The following C16orf96 variants were observed in gnomAD, a reference collection of about 807,000 sequenced individuals.
C16orf96 encodes the protein uncharacterized protein C16orf96.
Under a neutral mutation model 103.6 loss-of-function variants are expected in C16orf96, and 108 were observed. That is an observed-to-expected ratio of 1.04 (90% CI 0.89 to 1.22). The LOEUF (loss-of-function observed/expected upper bound fraction) is 1.22. C16orf96 is among the 50% of genes most tolerant of loss of function. C16orf96 has a pLI of 0.00. For missense variants in C16orf96, 1,586 were observed against 1,464.2 expected, an observed-to-expected ratio of 1.08 and a Z score of -1.36; for synonymous variants, 566 against 593.5, an observed-to-expected ratio of 0.95 and a Z score of 0.67.
chr16:4,575,347 C>A lies in C16orf96; in HGVS notation c.867C>A (p.Leu289=). ...GGCATTATGAGGTCCCAGAGCTCCT[C>A]CCGGAGGGCTCATCTGCCCAAGCAG... ...TVWHYEVPEL[L]PEGSSAQAVS... is the part of the protein sequence containing the mutation. Residue 289 remains leucine (L), a synonymous_variant, in exon 5 of 16, where the codon CTC becomes CTA. Coordinates refer to ENST00000444310, the MANE Select transcript of C16orf96 (RefSeq NM_001145011.2). 6.4e-7 allele frequency: 1 copy of A among 1,551,260 alleles called. No individual in the cohort carries two copies. The highest frequency in any genetic ancestry group is 8.7e-7 in the Non-Finnish European group (1 of 1,147,002).
intron 14 of C16orf96, among the ~76,000 whole-genome samples, 167 bp downstream of exon 14, chr16:4,594,970 T>A (rs952867231): frequency 3.3e-5 from 5 of 152,066 alleles, no homozygotes; most frequent in African/African-American, 1.2e-4. Flanking sequence ...GGAGACTCAG[T>A]CTTTGCAATG....
chr16:4,546,328 T>G, the C16orf96 span, among the ~76,000 whole-genome samples: 1 of 151,630 alleles, frequency 6.6e-6, no homozygotes, highest in Admixed American at 6.6e-5. Flanking sequence ...CCAGCTAATT[T>G]TTTGTGTTTT....
chr16:4,551,439 T>C (rs2059226921), upstream of C16orf96, among the ~76,000 whole-genome samples: 1 of 152,102 alleles, frequency 6.6e-6, no homozygotes, highest in Admixed American at 6.6e-5. Context: ...GTTTACTCCA[T>C]TTCGGGACTT....
chr16:4,578,238 G>C (rs2059537826), intron 5 of C16orf96, among the ~76,000 whole-genome samples: 1 of 152,098 alleles, frequency 6.6e-6, no homozygotes, highest in African/African-American at 2.4e-5. Context: ...CGCCTCCTGG[G>C]TTCGAGAGAT....
rs200240491 is a variant in C16orf96 at position 4,594,765 on chromosome 16, G to A, written c.3089G>A (p.Arg1030His). 5.3e-4 allele frequency: 818 copies of A among 1,550,968 alleles called. 5 individuals are homozygous for A. In the African/African-American group the frequency reaches 9.7e-3, roughly 18 times the overall value. ...ILYKGRVNSQ[R>H]GAQPLAVAKE... is the part of the protein sequence containing the mutation. ...TACAAAGGCCGCGTGAACAGCCAGC[G>A]TGGGGCTCAGCCCTTGGCCGTCGCA... Residue 1030 changes from arginine to histidine, a missense_variant, in exon 14 of 16, where the codon CGT (arginine) becomes CAT (histidine). Transcript: ENST00000444310.
In C16orf96 at chr16:4,569,515, G is replaced by T. The variant is rs372033796; in HGVS notation, c.421-2046G>T. ...TGCCTGTAATCCCAGCACTCTGGGA[G>T]GCCGAGGTGGGTGGATCACTTGAGG... On this transcript the variant is annotated intron_variant, in intron 1 of 15. Coordinates refer to ENST00000444310, the MANE Select transcript of C16orf96 (RefSeq NM_001145011.2). Among the ~76,000 whole-genome samples the T allele has an allele frequency of 1.6e-4, 24 of 152,078 alleles. No homozygotes were observed. The East Asian group carries it at 2.9e-3, about 19-fold the overall frequency.
At chr16:4,546,174 T>G in the C16orf96 span, among the ~76,000 whole-genome samples, 97 of 151,114 alleles carry the variant, frequency 6.4e-4, no homozygotes, top group African/African-American at 1.9e-3. Flanking sequence ...TTTTTTTTTT[T>G]TTGAGACGGA....
chr16:4,547,684 C>CTTT, the C16orf96 span, among the ~76,000 whole-genome samples: 25 of 52,020 alleles, frequency 4.8e-4, no homozygotes, highest in African/African-American at 9.2e-4. Flanking sequence ...TTCCTTCCTT[C>CTTT]CTTCCTTCTT....
chr16:4,569,031 A>G (rs1166382810), intron 1 of C16orf96, among the ~76,000 whole-genome samples: 1 of 152,056 alleles, frequency 6.6e-6, no homozygotes, highest in Non-Finnish European at 1.5e-5. Context: ...GAGCAGTGGC[A>G]TAATCTTGGC....
chr16:4,587,712 A>G (rs1896962320), intron 8 of C16orf96, among the ~76,000 whole-genome samples: 1 of 152,116 alleles, frequency 6.6e-6, no homozygotes, highest in Admixed American at 6.6e-5. Context: ...AGAAGATAGG[A>G]TCACTTGAGG....
intron 6 of C16orf96, among the ~76,000 whole-genome samples, chr16:4,579,604 C>T (rs1056675878): frequency 9.0e-6 from 1 of 110,874 alleles, no homozygotes; most frequent in African/African-American, 3.3e-5. Flanking sequence ...GCACCCTGGT[C>T]TGATACCTTA....
At chr16:4,573,751 CAAAAA>C (rs558632038) in intron 2 of C16orf96, among the ~76,000 whole-genome samples, 2 of 94,774 alleles carry the variant, frequency 2.1e-5, no homozygotes. Context: ...GACTCTGTCT[CAAAAA>C]AAAAAAAAAA....
chr16:4,565,352 C>G (rs1040578735), intron 1 of C16orf96, among the ~76,000 whole-genome samples: 1 of 152,224 alleles, frequency 6.6e-6, no homozygotes, highest in African/African-American at 2.4e-5. Flanking sequence ...ACAGCTCTCT[C>G]TCCTGCCCCT....
chr16:4,595,810 G>A (rs555171533), intron 14 of C16orf96, among the ~76,000 whole-genome samples: 20 of 152,152 alleles, frequency 1.3e-4, no homozygotes, highest in Non-Finnish European at 2.4e-4. Flanking sequence ...GGGTTCAAGC[G>A]ATTCTCCTGC....
intron 7 of C16orf96, among the ~76,000 whole-genome samples, chr16:4,584,963 G>A (rs771096131): frequency 8.5e-5 from 13 of 152,082 alleles, no homozygotes; most frequent in Non-Finnish European, 1.9e-4. Context: ...TAGCCACTGC[G>A]CCCAGCCAAA....
chr16:4,570,315 C>T (rs1314046763), intron 1 of C16orf96, among the ~76,000 whole-genome samples: 2 of 152,112 alleles, frequency 1.3e-5, no homozygotes, highest in African/African-American at 4.8e-5. Flanking sequence ...TTTTCAGTTA[C>T]ACTTTCAGTT....
At chr16:4,541,142 C>A in the C16orf96 span, among the ~76,000 whole-genome samples, 1 of 151,726 alleles carries the variant, frequency 6.6e-6, no homozygotes, top group Non-Finnish European at 1.5e-5. Flanking sequence ...TCGATCTCCT[C>A]ACCTCGTGAT....
chr16:4,558,203 A>T (rs1372452978), intron 1 of C16orf96, among the ~76,000 whole-genome samples: 4 of 152,260 alleles, frequency 2.6e-5, no homozygotes, highest in Non-Finnish European at 5.9e-5. Flanking sequence ...CTGGTGGGCA[A>T]GGGAGCTGCG....
At chr16:4,589,145 T>C (rs982058971) in intron 9 of C16orf96, among the ~76,000 whole-genome samples, 1 of 152,130 alleles carries the variant, frequency 6.6e-6, no homozygotes, top group African/African-American at 2.4e-5. Context: ...GAGAGTGGCA[T>C]AGTTAGCCTC....
Sources: gnomAD v4.1 joint callset for allele counts (sites outside exome capture counted in the v4.1 genomes callset) on GRCh38, gnomAD v4.1.1 for gene constraint, MANE v1.5 for transcripts, NCBI Gene and HGNC (gene_info 2026-07-23, HGNC 2026-07-21) for gene names.